Variants in CAMKK1 observed in about 807,000 individuals in gnomAD.
CAMKK1 encodes the protein calcium/calmodulin-dependent protein kinase kinase 1.
Under a neutral mutation model 63.5 loss-of-function variants are expected in CAMKK1, and 20 were observed. The ratio of observed to expected loss-of-function variants is 0.32; its 90% CI spans 0.22 to 0.46. CAMKK1 has a LOEUF of 0.46. Among genes scored for constraint, CAMKK1 ranks in the 20% least tolerant of loss-of-function variants. The pLI is 1.00. For synonymous variants in CAMKK1, 253 were observed against 269.0 expected (o/e 0.94, Z 0.58); for missense variants, 588 against 658.1 (o/e 0.89, Z 1.17).
intron 1 of CAMKK1, among the ~76,000 whole-genome samples, chr17:3,888,678 CGCGG>C (rs1555545187): frequency 1.3e-5 from 2 of 152,208 alleles, no homozygotes; most frequent in Non-Finnish European, 2.9e-5. Flanking sequence ...CAGATGGATG[CGCGG>C]GCGGGCGGAA....
intron 1 of CAMKK1, among the ~76,000 whole-genome samples, chr17:3,888,985 T>C (rs2055783601): frequency 1.3e-5 from 2 of 151,852 alleles, no homozygotes; most frequent in African/African-American, 4.8e-5. Context: ...AACCTCGGTG[T>C]GATGTGTGTG....
intron 14 of CAMKK1, among the ~76,000 whole-genome samples, chr17:3,869,098 A>C (rs1271446621): frequency 2.0e-5 from 3 of 151,410 alleles, no homozygotes; most frequent in Non-Finnish European, 4.4e-5. Context: ...CCTCCCGAGT[A>C]GCTGGGACTA....
chr17:3,869,765 T>C lies in CAMKK1; in HGVS notation c.1212+36A>G, dbSNP rs187039936. ...AAGGGAAAGTGACTCCTGTTTTCTGTGTCCCAGCCCAGCCCAAGACCCCCA... is the reference window on the plus strand; with the variant it reads ...AAGGGAAAGTGACTCCTGTTTTCTGCGTCCCAGCCCAGCCCAAGACCCCCA... On this transcript the variant is annotated intron_variant, in intron 13 of 15. Transcript: ENST00000348335. 1.1e-4 allele frequency: 178 copies of C among 1,607,334 alleles called. 1 individual carries two copies. The East Asian group carries it at 3.3e-3, about 30-fold the overall frequency.
intron 12 of CAMKK1, among the ~76,000 whole-genome samples, chr17:3,871,678 T>G (rs1415733027): frequency 7.3e-6 from 1 of 136,614 alleles, no homozygotes; most frequent in South Asian, 2.3e-4. Flanking sequence ...TTTCTTCTGT[T>G]TTTTTTTTTT....
Position 3,869,509 on chromosome 17 carries a change from A to G in CAMKK1, c.1319T>C (p.Leu440Pro). Reference protein sequence around the residue: ...TEEEVKNSVRLIPSWTTVILV... With the variant: ...TEEEVKNSVRPIPSWTTVILV... ...TACCACCGTGGTCCAGCTGGGGATG[A>G]GCCTGACTGAGTTCTTAACCTCCTC... The change falls in exon 14 of 16, where the codon CTC (leucine) becomes CCC (proline). Residue 440 changes from leucine to proline, a missense_variant. By Grantham distance (98) the Leu-to-Pro change is moderately conservative. Coordinates refer to ENST00000348335, the MANE Select transcript of CAMKK1 (RefSeq NM_032294.3). The G allele has an allele frequency of 1.2e-6, 2 of 1,614,212 alleles. No individual in the cohort carries two copies. Among genetic ancestry groups the G allele is most frequent in the Non-Finnish European group, 1.7e-6 (2 of 1,180,034 alleles).
At position 3,892,611 on chromosome 17, in the gene CAMKK1, G is replaced by A. The variant is rs1031221367; in HGVS notation, c.-44+328C>T. ...CGGGCCGGGCCCACTCCGCACAGAC[G>A]TGGCCTCCACCAGGAGCCGGGCGCG... On this transcript the variant is annotated intron_variant, in intron 1 of 15. Coordinates refer to ENST00000348335, the MANE Select transcript of CAMKK1 (RefSeq NM_032294.3). The surrounding 1 kb of genome is among the most constrained non-coding windows in gnomAD (Gnocchi z 7.5). 4.6e-5 allele frequency among the ~76,000 whole-genome samples: 7 copies of A among 152,212 alleles called. No homozygotes were observed. The highest frequency in any genetic ancestry group is 6.5e-5 in the Admixed American group (1 of 15,288).
chr17:3,867,690 G>T (rs1476826931), intron 14 of CAMKK1, among the ~76,000 whole-genome samples: 4 of 152,078 alleles, frequency 2.6e-5, no homozygotes, highest in Non-Finnish European at 5.9e-5. Context: ...GAGCCAGCTG[G>T]TCCCAGCTGG....
chr17:3,889,581 G>A lies in CAMKK1; in HGVS notation c.-44+3358C>T, dbSNP rs1379400185. On this transcript the variant is annotated intron_variant, in intron 1 of 15. Transcript: ENST00000348335. The surrounding 1 kb of genome is among the most constrained non-coding windows in gnomAD (Gnocchi z 5.2). ...GGCGATGGAAGGAACAGAATGAGGTGTGGACACAGGAGTAGTTTGTGCCAC... is the reference window on the plus strand; with the variant it reads ...GGCGATGGAAGGAACAGAATGAGGTATGGACACAGGAGTAGTTTGTGCCAC... 6.6e-6 allele frequency among the ~76,000 whole-genome samples: 1 copy of A among 152,122 alleles called. No homozygotes were observed. The highest frequency in any genetic ancestry group is 6.5e-5 in the Admixed American group (1 of 15,276).
chr17:3,867,566 G>A (rs971931949), intron 14 of CAMKK1, among the ~76,000 whole-genome samples: 1 of 152,176 alleles, frequency 6.6e-6, no homozygotes, highest in Non-Finnish European at 1.5e-5. Context: ...TGTTCCAGTG[G>A]TCTGAGAGAG....
At chr17:3,869,463 G>T in intron 14 of CAMKK1, 24 bp downstream of exon 14, 2 of 1,613,960 alleles carry the variant, frequency 1.2e-6, no homozygotes, top group South Asian at 1.1e-5. Context: ...CAGGACAAGG[G>T]AGCATCTACC....
chr17:3,885,291 G>T (rs771330081), intron 2 of CAMKK1, 37 bp downstream of exon 2: 1 of 1,543,010 alleles, frequency 6.5e-7, no homozygotes. Context: ...AGACTACTGA[G>T]GGGCTCATGA....
At chr17:3,876,604 G>T (rs2055169264) in intron 9 of CAMKK1, among the ~76,000 whole-genome samples, 182 bp from the exon 10 acceptor site, 1 of 152,244 alleles carries the variant, frequency 6.6e-6, no homozygotes, top group Non-Finnish European at 1.5e-5. Context: ...CAGACACTGA[G>T]CCCAGGCTGT....
At chr17:3,891,234 TG>T (rs547569443) in intron 1 of CAMKK1, among the ~76,000 whole-genome samples, 333 of 152,012 alleles carry the variant, frequency 2.2e-3, no homozygotes, top group Admixed American at 4.1e-3. Flanking sequence ...GATACAGCAG[TG>T]AACCAAAAAG....
intron 12 of CAMKK1, among the ~76,000 whole-genome samples, chr17:3,871,745 A>T (rs1214398382): frequency 2.0e-5 from 3 of 148,804 alleles, no homozygotes; most frequent in Non-Finnish European, 3.0e-5. Context: ...TCCTGGGTTC[A>T]AGCAATTCTC....
In CAMKK1 at chr17:3,882,267, A is replaced by G; in HGVS notation, c.685+261T>C. The G allele has an allele frequency of 6.2e-7, 1 of 1,612,896 alleles. No individual in the cohort carries two copies. The highest frequency in any genetic ancestry group is 8.5e-7 in the Non-Finnish European group (1 of 1,179,220). Reference sequence around the variant, plus strand: ...GCTTCCTGCATCTACCTGAGCGCGCAGCCCACGTGGATCCACTGTCTTGCT... The same window carrying G: ...GCTTCCTGCATCTACCTGAGCGCGCGGCCCACGTGGATCCACTGTCTTGCT... On this transcript the variant is annotated intron_variant, in intron 7 of 15. Coordinates refer to ENST00000348335, the MANE Select transcript of CAMKK1 (RefSeq NM_032294.3). The surrounding 1 kb of genome is among the most constrained non-coding windows in gnomAD (Gnocchi z 4.3).
At chr17:3,881,994 C>G in intron 7 of CAMKK1, 1 of 526,106 alleles carries the variant, frequency 1.9e-6, no homozygotes, top group East Asian at 3.2e-5. Context: ...GCCTCAGCCT[C>G]TAATTCCTAA....
In CAMKK1 at chr17:3,883,374, T is replaced by C. The variant is rs142016057; in HGVS notation, c.514+55A>G. ...CCAAAACTAGCTCAGGATCGAGGTC[T>C]CCTCCTCTGCCTCCAGGCTAGGAGC... is the stretch of plus-strand genomic sequence containing the variant. On this transcript the variant is annotated intron_variant, in intron 5 of 15. Coordinates refer to ENST00000348335, the MANE Select transcript of CAMKK1 (RefSeq NM_032294.3). This position sits in a 1 kb window ranked among gnomAD's most constrained non-coding sequence, Gnocchi z 4.7. 2,096 of 1,561,298 alleles carry C rather than the reference T, an allele frequency of 1.3e-3. 20 individuals carry two copies. The African/African-American group carries it at 0.023, about 17-fold the overall frequency.
At position 3,880,370 on chromosome 17, in the gene CAMKK1, C is replaced by A; in HGVS notation, c.772G>T (p.Asp258Tyr). ...SEEQARLYLR[D>Y]VILGLEYLHC... is the part of the protein sequence containing the mutation. ...CAGTACTCGAGGCCCAGGATGACGT[C>A]CCGCAGGTAGAGGCGAGCTTGCTCC... The change falls in exon 9 of 16, where the codon GAC becomes TAC. Residue 258 changes from aspartate (D) to tyrosine (Y), a missense_variant. By Grantham distance (160) the Asp-to-Tyr change is radical (BLOSUM62 -3). This residue lies in a region of CAMKK1 where 357 missense variants were observed against 407.4 expected (regional missense o/e 0.88). Coordinates refer to ENST00000348335, the MANE Select transcript of CAMKK1 (RefSeq NM_032294.3). 1 of 1,613,990 alleles carries A rather than the reference C, an allele frequency of 6.2e-7. No homozygotes were observed. The highest frequency in any genetic ancestry group is 2.2e-5 in the East Asian group (1 of 44,864).
chr17:3,872,624 G>C lies in CAMKK1; in HGVS notation c.1054C>G (p.Pro352Ala). The change falls in exon 12 of 16, where the codon CCA becomes GCA. Residue 352 changes from proline to alanine, a missense_variant. By Grantham distance (27) the Pro-to-Ala change is conservative. Transcript: ENST00000348335. ...GCCAGGATGAAATCGTCGATGAATG[G>C]GCACTGTGGGGTGGAGAGGCAGACA... ...TLYCFVYGKC[P>A]FIDDFILALH... The C allele has an allele frequency of 6.2e-7, 1 of 1,613,610 alleles. No individual in the cohort carries two copies. Among genetic ancestry groups the C allele is most frequent in the South Asian group, 1.1e-5 (1 of 91,070 alleles).
Sources: allele counts gnomAD v4.1 joint callset (sites outside exome capture counted in the v4.1 genomes callset), GRCh38; gene constraint gnomAD v4.1.1; regional missense constraint gnomAD v4.1.1; non-coding constraint Gnocchi (gnomAD v3.1); transcripts MANE v1.5; gene names NCBI Gene and HGNC (gene_info 2026-07-23, HGNC 2026-07-21).